AGPS: variants seen among roughly 807,000 people sequenced by gnomAD.
The protein encoded by AGPS is alkyldihydroxyacetonephosphate synthase, peroxisomal.
In AGPS, 26 loss-of-function variants were observed where a neutral mutation model predicts 90.7. That is an observed-to-expected ratio of 0.29 (90% CI 0.21 to 0.40). The LOEUF is 0.40. Ranked by LOEUF, AGPS falls within the 10% of genes least tolerant of loss-of-function variation. The pLI is 1.00. For missense variants in AGPS, 540 were observed against 816.1 expected (o/e 0.66, Z 4.12); for synonymous variants, 294 against 285.3 (o/e 1.03, Z -0.31).
intron 17 of AGPS, among the ~76,000 whole-genome samples, chr2:177,514,418 T>G (rs1234904835): frequency 6.6e-6 from 1 of 152,214 alleles, no homozygotes; most frequent in Non-Finnish European, 1.5e-5. Flanking sequence ...GGTTCTGCTG[T>G]AGTATTGTTT....
chr2:177,513,554 A>G (rs769643635), intron 16 of AGPS, among the ~76,000 whole-genome samples: 4 of 152,182 alleles, frequency 2.6e-5, no homozygotes, highest in East Asian at 1.9e-4. Context: ...AGTGTAGGAA[A>G]CCACATTCAG....
chr2:177,444,787 A>G (rs1686721629), intron 7 of AGPS, among the ~76,000 whole-genome samples: 1 of 152,232 alleles, frequency 6.6e-6, no homozygotes, highest in Non-Finnish European at 1.5e-5. Context: ...CCAGATAGAA[A>G]GGGGAAAGAA....
At position 177,521,386 on chromosome 2, in the gene AGPS, C is replaced by G; in HGVS notation, c.1797+18C>G. On this transcript the variant is annotated intron_variant, in intron 18 of 19. Transcript: ENST00000264167. ...AAACTGAGGTAATTTTGCATACCTGCATATAGCTTTTACAGCTGTTGATTA... is the reference window on the plus strand; with the variant it reads ...AAACTGAGGTAATTTTGCATACCTGGATATAGCTTTTACAGCTGTTGATTA... The G allele has an allele frequency of 6.4e-7, 1 of 1,559,208 alleles. No homozygotes were observed. The highest frequency in any genetic ancestry group is 8.8e-7 in the Non-Finnish European group (1 of 1,130,242).
In AGPS at chr2:177,497,298, TA is replaced by T. The variant is rs903182306; in HGVS notation, c.1286-381del. Among the ~76,000 whole-genome samples, 39 of 147,296 alleles carry T rather than the reference TA, an allele frequency of 2.6e-4. No individual in the cohort carries two copies. In the East Asian group the frequency reaches 3.3e-3, roughly 13 times the overall value. ...TAGTTCTGAATAGTTTCTATATAAT[TA>T]AAAAAAAAAGTAAAACCAGCCACCA... On this transcript the variant is annotated intron_variant, in intron 12 of 19. Coordinates refer to ENST00000264167, the MANE Select transcript of AGPS (RefSeq NM_003659.4).
chr2:177,475,350 A>G (rs1395897045), intron 10 of AGPS, among the ~76,000 whole-genome samples: 2 of 152,220 alleles, frequency 1.3e-5, no homozygotes, highest in East Asian at 3.8e-4. Context: ...GGGGTAAGAC[A>G]GCATAGTACT....
chr2:177,443,330 C>G (rs909716394), intron 7 of AGPS, among the ~76,000 whole-genome samples: 1 of 152,130 alleles, frequency 6.6e-6, no homozygotes, highest in African/African-American at 2.4e-5. Flanking sequence ...GCTCTTAAGT[C>G]TCACTTTATG....
chr2:177,494,145 C>T (rs914034874), intron 12 of AGPS, among the ~76,000 whole-genome samples: 2 of 152,184 alleles, frequency 1.3e-5, no homozygotes, highest in South Asian at 2.1e-4. Flanking sequence ...TGAGAGTGAT[C>T]GTTCAGTAAT....
intron 1 of AGPS, among the ~76,000 whole-genome samples, chr2:177,400,050 A>C (rs1685291001): frequency 6.6e-6 from 1 of 152,184 alleles, no homozygotes; most frequent in African/African-American, 2.4e-5. Context: ...TACTTGTTTT[A>C]ATATAAAGTG....
intron 17 of AGPS, among the ~76,000 whole-genome samples, chr2:177,514,980 C>T (rs927525313): frequency 4.6e-5 from 7 of 150,966 alleles, no homozygotes; most frequent in East Asian, 3.9e-4. Context: ...AGTACACTGA[C>T]GATAGGATCA....
At chr2:177,445,823 A>AGCTCAT (rs1180093925) in intron 8 of AGPS, among the ~76,000 whole-genome samples, 197 bp downstream of exon 8, 1 of 152,220 alleles carries the variant, frequency 6.6e-6, no homozygotes, top group Non-Finnish European at 1.5e-5. Flanking sequence ...AGGACATGAT[A>AGCTCAT]GTGAATAAGG....
intron 1 of AGPS, among the ~76,000 whole-genome samples, chr2:177,419,853 T>C (rs900479849): frequency 6.6e-6 from 1 of 151,848 alleles, no homozygotes; most frequent in African/African-American, 2.4e-5. Context: ...TTAAAAATCG[T>C]AGCAGAAGGT....
At chr2:177,464,634 A>G (rs1222456366) in intron 9 of AGPS, among the ~76,000 whole-genome samples, 1 of 152,264 alleles carries the variant, frequency 6.6e-6, no homozygotes, top group Non-Finnish European at 1.5e-5. Flanking sequence ...TTCCAACTAT[A>G]GTCCATCTCA....
At chr2:177,454,394 T>C (rs924652051) in intron 8 of AGPS, among the ~76,000 whole-genome samples, 2 of 151,940 alleles carry the variant, frequency 1.3e-5, no homozygotes, top group Non-Finnish European at 2.9e-5. Context: ...AGATGTTTAA[T>C]TTGGGCCTTT....
intron 19 of AGPS, among the ~76,000 whole-genome samples, chr2:177,531,197 GC>G (rs2079134054): frequency 6.6e-6 from 1 of 152,138 alleles, no homozygotes; most frequent in Non-Finnish European, 1.5e-5. Context: ...GAAACAAAAG[GC>G]ATATAGATTG....
At chr2:177,406,789 T>C (rs746014136) in intron 1 of AGPS, among the ~76,000 whole-genome samples, 3 of 152,274 alleles carry the variant, frequency 2.0e-5, no homozygotes, top group Non-Finnish European at 2.9e-5. Context: ...CTTTCAGCTG[T>C]TCTCTATGAC....
chr2:177,414,054 G>GC (rs954946240), intron 1 of AGPS, among the ~76,000 whole-genome samples: 2 of 151,910 alleles, frequency 1.3e-5, no homozygotes, highest in South Asian at 2.1e-4. Context: ...TGCCCTTCTT[G>GC]CCCCCCGCCC....
At chr2:177,469,983 A>G (rs1687565168) in intron 10 of AGPS, among the ~76,000 whole-genome samples, 1 of 152,240 alleles carries the variant, frequency 6.6e-6, no homozygotes, top group Non-Finnish European at 1.5e-5. Flanking sequence ...TATGAACAAG[A>G]TGAAGTTGAT....
rs1344312830 is a variant in AGPS at position 177,543,655 on chromosome 2, A to C, written c.*5460A>C. 1.3e-5 allele frequency: 2 copies of C among 152,238 alleles called. No homozygotes were observed. The highest frequency in any genetic ancestry group is 1.5e-5 in the Non-Finnish European group (1 of 68,038). The allele number at this position is 152,238 out of a possible 1,614,324, so 9.4% of individuals were successfully genotyped here. On this transcript the variant is annotated 3_prime_UTR_variant, in exon 20 of 20. Transcript: ENST00000264167. ...TGAGAGATTCCAGCATAGCTTTGTC[A>C]ATTCCGACTGAGCCATACTGTTTTC...
chr2:177,452,370 A>G (rs1000914608), intron 8 of AGPS, among the ~76,000 whole-genome samples: 1 of 152,202 alleles, frequency 6.6e-6, no homozygotes, highest in African/African-American at 2.4e-5. Context: ...TTAGGAGGAT[A>G]AATGTTCAGG....
Sources: allele counts gnomAD v4.1 joint callset (sites outside exome capture counted in the v4.1 genomes callset), GRCh38; gene constraint gnomAD v4.1.1; transcripts MANE v1.5; gene names NCBI Gene and HGNC (gene_info 2026-07-23, HGNC 2026-07-21).